Variants in TENM3 observed in about 807,000 individuals in gnomAD.
TENM3 encodes teneurin transmembrane protein 3.
In TENM3, 63 loss-of-function variants were observed where a neutral mutation model predicts 255.1. That is an observed-to-expected ratio of 0.25 (90% CI 0.20 to 0.30). TENM3 has a LOEUF of 0.30. Among genes scored for constraint, TENM3 ranks in the 10% least tolerant of loss-of-function variants. TENM3 has a pLI of 1.00. For missense variants in TENM3, 2,929 were observed against 3,461.1 expected (o/e 0.85, Z 3.86); for synonymous variants, 1,306 against 1,322.3 (o/e 0.99, Z 0.27).
At chr4:182,404,384 T>TA (rs1769412853) in intron 3 of TENM3, among the ~76,000 whole-genome samples, 1 of 152,212 alleles carries the variant, frequency 6.6e-6, no homozygotes. Flanking sequence ...TTCATCACTT[T>TA]AAAAAACAAA....
At chr4:181,883,813 T>A in the TENM3 span, among the ~76,000 whole-genome samples, 2 of 152,084 alleles carry the variant, frequency 1.3e-5, no homozygotes, top group Non-Finnish European at 2.9e-5. Flanking sequence ...AAACTATAAA[T>A]AGAAGTAGAA....
chr4:182,449,045 C>G (rs1265105858), intron 3 of TENM3: 1 of 372,244 alleles, frequency 2.7e-6, no homozygotes, highest in Non-Finnish European at 5.4e-6. Context: ...GCGCTGGGCT[C>G]GGTTCCTCAC....
chr4:182,551,523 T>G lies in TENM3; in HGVS notation c.512-49401T>G, dbSNP rs181350666. Among the ~76,000 whole-genome samples, 630 of 152,096 alleles carry G rather than the reference T, an allele frequency of 4.1e-3. 3 individuals carry two copies. Among genetic ancestry groups the G allele is most frequent in the African/African-American group, 0.015 (603 of 41,446 alleles). ...ATGATTAGAAAAGGACTGAATAAAG[T>G]GCAATGAATCTATTATAAATTGTAC... On this transcript the variant is annotated intron_variant, in intron 3 of 27. Coordinates refer to ENST00000511685, the MANE Select transcript of TENM3 (RefSeq NM_001080477.4).
At chr4:181,785,416 G>C in the TENM3 span, among the ~76,000 whole-genome samples, 1 of 152,086 alleles carries the variant, frequency 6.6e-6, no homozygotes, top group Admixed American at 6.6e-5. Context: ...CCTCCCATTG[G>C]CTCAGGACCC....
the TENM3 span, among the ~76,000 whole-genome samples, chr4:181,568,156 C>T: frequency 6.8e-6 from 1 of 147,472 alleles, no homozygotes; most frequent in African/African-American, 2.5e-5. Flanking sequence ...CTCATGCCAA[C>T]TAATACTTTT....
At chr4:181,858,746 AG>A in the TENM3 span, among the ~76,000 whole-genome samples, 1 of 152,170 alleles carries the variant, frequency 6.6e-6, no homozygotes, top group Non-Finnish European at 1.5e-5. Flanking sequence ...GCTTTTTCAA[AG>A]GTGATTGACT....
At chr4:181,762,043 G>C in the TENM3 span, among the ~76,000 whole-genome samples, 1 of 152,126 alleles carries the variant, frequency 6.6e-6, no homozygotes, top group East Asian at 1.9e-4. Flanking sequence ...AGCAATTCTT[G>C]TTTACCTCCA....
the TENM3 span, among the ~76,000 whole-genome samples, chr4:182,004,329 G>T: frequency 2.6e-5 from 4 of 152,038 alleles, no homozygotes; most frequent in African/African-American, 7.3e-5. Flanking sequence ...TTGGTTTTCT[G>T]TTCCTATGTT....
At chr4:181,654,496 A>G in the TENM3 span, among the ~76,000 whole-genome samples, 1 of 152,078 alleles carries the variant, frequency 6.6e-6, no homozygotes, top group African/African-American at 2.4e-5. Context: ...TCCTTCGCCT[A>G]TAATCCCAGC....
the TENM3 span, among the ~76,000 whole-genome samples, chr4:181,484,107 G>A: frequency 1.3e-5 from 2 of 151,892 alleles, no homozygotes; most frequent in Admixed American, 1.3e-4. Flanking sequence ...TCCAGCCCTC[G>A]CATGTGTGCC....
intron 3 of TENM3, among the ~76,000 whole-genome samples, chr4:182,591,790 A>G (rs1263583709): frequency 2.0e-5 from 3 of 152,172 alleles, no homozygotes; most frequent in Admixed American, 2.0e-4. Flanking sequence ...TCCAATTTTT[A>G]TTATGCCATT....
At chr4:181,697,375 GT>G in the TENM3 span, among the ~76,000 whole-genome samples, 7 of 152,006 alleles carry the variant, frequency 4.6e-5, no homozygotes, top group African/African-American at 1.4e-4. Flanking sequence ...TTCCTGGTGG[GT>G]TTTTTTGTGT....
chr4:182,686,954 T>G (rs1317559241), intron 11 of TENM3, among the ~76,000 whole-genome samples: 1 of 152,130 alleles, frequency 6.6e-6, no homozygotes, highest in African/African-American at 2.4e-5. Context: ...AAAACCTGCG[T>G]GCTACCCTCT....
the TENM3 span, among the ~76,000 whole-genome samples, chr4:181,541,722 A>G: frequency 3.9e-5 from 6 of 152,210 alleles, no homozygotes; most frequent in East Asian, 3.9e-4. Context: ...ATCTCCAGGG[A>G]TGTCTCATCA....
chr4:182,743,526 G>C, intron 19 of TENM3, 107 bp downstream of exon 19: 1 of 1,277,046 alleles, frequency 7.8e-7, no homozygotes, highest in East Asian at 2.4e-5. Context: ...ACCATCCTAA[G>C]GTTTAAAATT....
the TENM3 span, among the ~76,000 whole-genome samples, chr4:181,717,139 A>T: frequency 1.3e-5 from 2 of 152,182 alleles, no homozygotes. Flanking sequence ...ACAGGAATTT[A>T]TGCAGACAAG....
intron 3 of TENM3, among the ~76,000 whole-genome samples, chr4:182,444,533 T>C (rs1772752655): frequency 6.6e-6 from 1 of 152,142 alleles, no homozygotes; most frequent in Admixed American, 6.5e-5. Flanking sequence ...CTAATTCCGG[T>C]GTTTAGGAAT....
At chr4:182,252,712 C>A (rs1227517567) in intron 1 of TENM3, among the ~76,000 whole-genome samples, 1 of 152,114 alleles carries the variant, frequency 6.6e-6, no homozygotes, top group Non-Finnish European at 1.5e-5. Flanking sequence ...AGTACTTTAG[C>A]TGAGAAATTT....
chr4:181,764,760 G>A, the TENM3 span, among the ~76,000 whole-genome samples: 20 of 152,202 alleles, frequency 1.3e-4, no homozygotes, highest in Admixed American at 3.3e-4. Flanking sequence ...GTACAGTCTC[G>A]GCTCACTGCA....
Sources: gnomAD v4.1 joint callset for allele counts (sites outside exome capture counted in the v4.1 genomes callset) on GRCh38, gnomAD v4.1.1 for gene constraint, MANE v1.5 for transcripts, NCBI Gene and HGNC (gene_info 2026-07-23, HGNC 2026-07-21) for gene names.